The following ISG20 variants were observed in gnomAD, a reference collection of about 807,000 sequenced individuals.
ISG20 encodes interferon-stimulated gene 20 kDa protein.
In ISG20, 8 loss-of-function variants were observed where a neutral mutation model predicts 11.1. The observed-to-expected ratio is 0.72, with a 90% CI of 0.42 to 1.30. The LOEUF is 1.30. Among genes scored for constraint, ISG20 ranks in the 50% most tolerant of loss-of-function variants. The pLI, the probability that ISG20 is intolerant of heterozygous loss-of-function variation, is 0.01. For synonymous variants in ISG20, 110 were observed against 101.7 expected (o/e 1.08, Z -0.49); for missense variants, 243 against 250.2 (o/e 0.97, Z 0.19).
chr15:88,642,827 G>T (rs1197588683), intron 2 of ISG20, among the ~76,000 whole-genome samples: 1 of 151,038 alleles, frequency 6.6e-6, no homozygotes, highest in Non-Finnish European at 1.5e-5. Flanking sequence ...ATGTTGCCAG[G>T]CTGGTCTCGA....
intron 2 of ISG20, among the ~76,000 whole-genome samples, chr15:88,642,436 G>A (rs2058098106): frequency 6.6e-6 from 1 of 152,170 alleles, no homozygotes; most frequent in Non-Finnish European, 1.5e-5. Flanking sequence ...AGTAACTTAC[G>A]CTGTTAAGAT....
upstream of ISG20, among the ~76,000 whole-genome samples, chr15:88,638,349 T>G (rs2058018199): frequency 6.6e-6 from 1 of 152,240 alleles, no homozygotes; most frequent in South Asian, 2.1e-4. Context: ...CTCAAAGTCC[T>G]AGCCTGGGAG....
chr15:88,640,460 C>A (rs142820561), intron 2 of ISG20, among the ~76,000 whole-genome samples: 1 of 152,240 alleles, frequency 6.6e-6, no homozygotes, highest in Non-Finnish European at 1.5e-5. Context: ...CCCTGCCAGG[C>A]AGGTCCTCAG....
chr15:88,638,912 G>A, upstream of ISG20: 1 of 198,286 alleles, frequency 5.0e-6, no homozygotes. Context: ...CACGTGCCCG[G>A]CCTTCCGCCC....
At chr15:88,648,017 G>A (rs1056628258) in intron 2 of ISG20, 3 of 152,278 alleles carry the variant, frequency 2.0e-5, no homozygotes, top group Admixed American at 2.0e-4. Context: ...GTGGCCTTGT[G>A]GGAACCAGGC....
At chr15:88,645,842 G>A (rs372789995) in intron 2 of ISG20, among the ~76,000 whole-genome samples, 9 of 152,138 alleles carry the variant, frequency 5.9e-5, no homozygotes, top group East Asian at 1.9e-4. Flanking sequence ...ATCATAGCTC[G>A]TCCATTCATT....
intron 3 of ISG20, among the ~76,000 whole-genome samples, chr15:88,653,975 G>T (rs888210288): frequency 1.3e-5 from 2 of 152,168 alleles, no homozygotes; most frequent in African/African-American, 2.4e-5. Context: ...ATCCTTTAAG[G>T]CAGGTATAAT....
chr15:88,642,084 C>T (rs1443200264), intron 2 of ISG20, among the ~76,000 whole-genome samples: 2 of 152,058 alleles, frequency 1.3e-5, no homozygotes, highest in Non-Finnish European at 2.9e-5. Context: ...TGTCCGCCAC[C>T]ACGCCTGGCT....
rs2058117621 is a variant in ISG20, at chr15:88,643,581, G to A, written c.228+3987G>A. Among the ~76,000 whole-genome samples, 1 of 152,108 alleles carries A rather than the reference G, an allele frequency of 6.6e-6. No homozygotes were observed. Among genetic ancestry groups the A allele is most frequent in the African/African-American group, 2.4e-5 (1 of 41,390 alleles). On this transcript the variant is annotated intron_variant, in intron 2 of 3. Coordinates refer to ENST00000306072, the MANE Select transcript of ISG20 (RefSeq NM_002201.6). The surrounding 1 kb of genome is among the most constrained non-coding windows in gnomAD (Gnocchi z 4.4). The stretch of plus-strand genomic sequence containing the variant: ...TAGCCGGGTGTGGTGGTGGGTGCCT[G>A]TAATCCAAGCTACTCAGGAGGCTGA...
upstream of ISG20, chr15:88,638,719 G>A (rs1208102384): frequency 6.5e-6 from 1 of 154,234 alleles, no homozygotes; most frequent in Non-Finnish European, 1.4e-5. Context: ...GGCGGAGGGT[G>A]AGAAAGGAAA....
chr15:88,653,203 G>A (rs2058316889), intron 3 of ISG20, among the ~76,000 whole-genome samples: 1 of 152,154 alleles, frequency 6.6e-6, no homozygotes, highest in South Asian at 2.1e-4. Flanking sequence ...TTGGTTGGTT[G>A]GGAGGTGGCC....
intron 3 of ISG20, among the ~76,000 whole-genome samples, chr15:88,653,866 G>T (rs2058329697): frequency 1.3e-5 from 2 of 152,212 alleles, no homozygotes; most frequent in Admixed American, 6.5e-5. Flanking sequence ...GTGGCTCCCT[G>T]CCAAGCTGCG....
At chr15:88,637,594 G>T (rs1163611049), upstream of ISG20, among the ~76,000 whole-genome samples, 1 of 152,116 alleles carries the variant, frequency 6.6e-6, no homozygotes, top group Non-Finnish European at 1.5e-5. Flanking sequence ...CAGCTCAGGT[G>T]AGACAGAGCA....
In ISG20 at chr15:88,651,042, C is replaced by T. The variant is rs147890578; in HGVS notation, c.229-1068C>T. ...CCTCCCAAAGTGCTGGGATTACAGACGTGAGACACCGTGCCTGGCTGGTGG... is the reference window on the plus strand; with the variant it reads ...CCTCCCAAAGTGCTGGGATTACAGATGTGAGACACCGTGCCTGGCTGGTGG... On this transcript the variant is annotated intron_variant, in intron 2 of 3. Coordinates refer to ENST00000306072, the MANE Select transcript of ISG20 (RefSeq NM_002201.6). 5.0e-3 allele frequency: 1,076 copies of T among 216,700 alleles called. 8 individuals carry two copies. Among genetic ancestry groups the T allele is most frequent in the African/African-American group, 0.022 (946 of 42,698 alleles). 13.4% of individuals were successfully genotyped at this position (216,700 alleles called of 1,614,324 possible).
chr15:88,652,878 G>A (rs1329340408), intron 3 of ISG20, among the ~76,000 whole-genome samples: 2 of 151,666 alleles, frequency 1.3e-5, no homozygotes, highest in African/African-American at 4.8e-5. Flanking sequence ...CCTCAGATAT[G>A]TCTCACAGCA....
chr15:88,650,443 A>G lies in ISG20; in HGVS notation c.229-1667A>G. ...GCAGTGGCAGGCGGGCTCTGGATTC[A>G]TCCCACTGGCTTCAAGGCCTGGCTT... is the stretch of plus-strand genomic sequence containing the variant. On this transcript the variant is annotated intron_variant, in intron 2 of 3. Coordinates refer to ENST00000306072, the MANE Select transcript of ISG20 (RefSeq NM_002201.6). This position sits in a 1 kb window ranked among gnomAD's most constrained non-coding sequence, Gnocchi z 4.0. 3 of 1,470,754 alleles carry G rather than the reference A, an allele frequency of 2.0e-6. No individual in the cohort carries two copies. Among genetic ancestry groups the G allele is most frequent in the Non-Finnish European group, 2.7e-6 (3 of 1,114,190 alleles). 91.1% of individuals were successfully genotyped at this position (1,470,754 alleles called of 1,614,324 possible). A position where few individuals can be genotyped will look rare whatever the true frequency, so the allele number is the denominator to read the frequency against.
intron 2 of ISG20, chr15:88,651,511 G>A (rs982911648): frequency 5.5e-6 from 1 of 182,948 alleles, no homozygotes; most frequent in South Asian, 1.8e-4. Flanking sequence ...CTTAACTCAC[G>A]GCCCCTCCCT....
Position 88,643,911 on chromosome 15 carries a change from T to C in ISG20, c.228+4317T>C, listed in dbSNP as rs1030190809. Among the ~76,000 whole-genome samples, 6 of 152,212 alleles carry C rather than the reference T, an allele frequency of 3.9e-5. No homozygotes were observed. Among genetic ancestry groups the C allele is most frequent in the Non-Finnish European group, 8.8e-5 (6 of 68,038 alleles). Reference sequence around the variant, plus strand: ...AAATTTGAAAATCTGAAATTTGAAATGTTCCAATGAGCATTTCCTTTGAGC... The same window carrying C: ...AAATTTGAAAATCTGAAATTTGAAACGTTCCAATGAGCATTTCCTTTGAGC... On this transcript the variant is annotated intron_variant, in intron 2 of 3. Transcript: ENST00000306072. The surrounding 1 kb of genome is among the most constrained non-coding windows in gnomAD (Gnocchi z 4.4).
In ISG20 at chr15:88,642,955, T is replaced by G. The variant is rs542826349; in HGVS notation, c.228+3361T>G. ...AAAAAAGAGACAGGCCAGATGCAGT[T>G]GTTCATGGCTGTAATCCCAACACTT... On this transcript the variant is annotated intron_variant, in intron 2 of 3. Coordinates refer to ENST00000306072, the MANE Select transcript of ISG20 (RefSeq NM_002201.6). Among the ~76,000 whole-genome samples the G allele has an allele frequency of 2.5e-3, 382 of 152,148 alleles. 3 individuals carry two copies. The highest frequency in any genetic ancestry group is 8.7e-3 in the African/African-American group (360 of 41,560).
Sources: allele counts gnomAD v4.1 joint callset (sites outside exome capture counted in the v4.1 genomes callset), GRCh38; gene constraint gnomAD v4.1.1; non-coding constraint Gnocchi (gnomAD v3.1); transcripts MANE v1.5; gene names NCBI Gene and HGNC (gene_info 2026-07-23, HGNC 2026-07-21).